The following SNX18 variants were observed in gnomAD, a reference collection of about 807,000 sequenced individuals.
The protein encoded by SNX18 is sorting nexin-18.
Under a neutral mutation model 48.7 loss-of-function variants are expected in SNX18, and 35 were observed. The ratio of observed to expected loss-of-function variants is 0.72; its 90% CI spans 0.55 to 0.95. The LOEUF (loss-of-function observed/expected upper bound fraction) is 0.95. Ranked by LOEUF, SNX18 falls within the 40% of genes least tolerant of loss-of-function variation. The probability of loss-of-function intolerance (pLI) is 0.00; values close to 1 mark genes in which losing one functional copy is unlikely to be tolerated. For missense variants in SNX18, 824 were observed against 871.0 expected, an observed-to-expected ratio of 0.95 and a Z score of 0.68; for synonymous variants, 492 against 384.7, an observed-to-expected ratio of 1.28 and a Z score of -3.26.
At chr5:54,551,425 T>G (rs578058372), downstream of SNX18, among the ~76,000 whole-genome samples, 1 of 152,218 alleles carries the variant, frequency 6.6e-6, no homozygotes, top group East Asian at 1.9e-4. Context: ...CTAATCCCAG[T>G]GTCTTGTCCC....
chr5:54,569,674 A>T, the SNX18 span, among the ~76,000 whole-genome samples: 1 of 152,196 alleles, frequency 6.6e-6, no homozygotes, highest in Non-Finnish European at 1.5e-5. Context: ...TAATATCTCC[A>T]TGTGGCTTGG....
At chr5:54,636,110 C>A in the SNX18 span, among the ~76,000 whole-genome samples, 1 of 152,200 alleles carries the variant, frequency 6.6e-6, no homozygotes, top group East Asian at 1.9e-4. Flanking sequence ...TCCTCTGGGC[C>A]CACTCACGTC....
the SNX18 span, among the ~76,000 whole-genome samples, chr5:54,565,739 G>C: frequency 6.6e-6 from 1 of 152,192 alleles, no homozygotes; most frequent in Non-Finnish European, 1.5e-5. Flanking sequence ...GTAGGGACTT[G>C]AATTTGTCAG....
the SNX18 span, among the ~76,000 whole-genome samples, chr5:54,566,334 G>A: frequency 1.3e-5 from 2 of 152,168 alleles, no homozygotes; most frequent in Non-Finnish European, 2.9e-5. Context: ...CAACAAGAAA[G>A]GTAGGTTATT....
chr5:54,520,147 G>C (rs1436082234), intron 1 of SNX18: 2 of 291,906 alleles, frequency 6.9e-6, no homozygotes, highest in Non-Finnish European at 1.4e-5. Context: ...CAGGAAAAGC[G>C]TACTCATTTT....
At chr5:54,583,925 T>C in the SNX18 span, among the ~76,000 whole-genome samples, 1 of 152,132 alleles carries the variant, frequency 6.6e-6, no homozygotes, top group Admixed American at 6.6e-5. Context: ...TGCCAGAGCC[T>C]GATGGTGCTG....
chr5:54,572,088 T>C, the SNX18 span, among the ~76,000 whole-genome samples: 1 of 152,190 alleles, frequency 6.6e-6, no homozygotes, highest in Non-Finnish European at 1.5e-5. Context: ...AGATGATTGA[T>C]TTACTCATGG....
chr5:54,520,090 T>G (rs71592647), intron 1 of SNX18: 57,507 of 397,794 alleles, frequency 0.14, 4,627 homozygotes, highest in Middle Eastern at 0.24. Context: ...TTTAAGAAAT[T>G]CCTGCAAAGA....
At chr5:54,571,585 A>T in the SNX18 span, among the ~76,000 whole-genome samples, 2 of 152,076 alleles carry the variant, frequency 1.3e-5, no homozygotes. Flanking sequence ...GATTGGAATG[A>T]CTTGAGATCT....
the SNX18 span, among the ~76,000 whole-genome samples, chr5:54,595,266 C>T: frequency 6.6e-6 from 1 of 152,124 alleles, no homozygotes; most frequent in Non-Finnish European, 1.5e-5. Flanking sequence ...GATGGAGTCT[C>T]GCTCTGTCAC....
intron 1 of SNX18, among the ~76,000 whole-genome samples, chr5:54,528,156 A>G (rs1237581852): frequency 6.6e-6 from 1 of 152,078 alleles, no homozygotes; most frequent in East Asian, 1.9e-4. Flanking sequence ...ACACACACAC[A>G]CACACACACA....
At chr5:54,596,813 G>A in the SNX18 span, among the ~76,000 whole-genome samples, 52 of 152,318 alleles carry the variant, frequency 3.4e-4, no homozygotes, top group African/African-American at 1.2e-3. Flanking sequence ...AGGAATGGAT[G>A]TGCCCCTTTC....
the SNX18 span, among the ~76,000 whole-genome samples, chr5:54,621,621 G>A: frequency 6.6e-6 from 1 of 152,264 alleles, no homozygotes; most frequent in African/African-American, 2.4e-5. Context: ...CCTTTAGAAA[G>A]ATATCAAGCA....
At chr5:54,604,108 T>A in the SNX18 span, among the ~76,000 whole-genome samples, 1 of 152,186 alleles carries the variant, frequency 6.6e-6, no homozygotes, top group Non-Finnish European at 1.5e-5. Flanking sequence ...GAAGGTTTCA[T>A]CCTAGTAGAG....
At chr5:54,572,933 A>C in the SNX18 span, among the ~76,000 whole-genome samples, 122,252 of 149,928 alleles carry the variant, frequency 0.82, 50,012 homozygotes, top group Middle Eastern at 0.84. Flanking sequence ...GCGTTTGAAC[A>C]ACAGCGACTC....
the SNX18 span, among the ~76,000 whole-genome samples, chr5:54,576,448 G>A: frequency 6.6e-6 from 1 of 152,152 alleles, no homozygotes; most frequent in Non-Finnish European, 1.5e-5. Context: ...GAAGCACCTG[G>A]GGAGTTTTAT....
rs752584405 is a variant in SNX18 at position 54,519,295 on chromosome 5, C to T, written c.1343C>T (p.Thr448Met). Residue 448 changes from threonine (T) to methionine (M), a missense_variant, in exon 1 of 2, where the codon ACG becomes ATG. Physicochemically the swap from Thr to Met is moderately conservative, Grantham distance 81. Transcript: ENST00000381410. Reference sequence around the variant, plus strand: ...GACAGCGCGCTGCAGCTCAACCACACGGCCAACGAGTTCGCGCGCAAGCAG... The same window carrying T: ...GACAGCGCGCTGCAGCTCAACCACATGGCCAACGAGTTCGCGCGCAAGCAG... ...MDDSALQLNH[T>M]ANEFARKQVT... is the part of the protein sequence containing the mutation. 1 of 1,614,074 alleles carries T rather than the reference C, an allele frequency of 6.2e-7. No individual in the cohort carries two copies. Among genetic ancestry groups the T allele is most frequent in the East Asian group, 2.2e-5 (1 of 44,850 alleles).
chr5:54,571,320 T>C, the SNX18 span, among the ~76,000 whole-genome samples: 1 of 152,094 alleles, frequency 6.6e-6, no homozygotes, highest in South Asian at 2.1e-4. Context: ...CTTCCAGGCT[T>C]GTTGGGTTTT....
At chr5:54,613,794 G>T in the SNX18 span, among the ~76,000 whole-genome samples, 1 of 152,120 alleles carries the variant, frequency 6.6e-6, no homozygotes, top group Non-Finnish European at 1.5e-5. Flanking sequence ...CGCCTCCTGG[G>T]TTCAAGTGAT....
Sources: gnomAD v4.1 joint callset for allele counts (sites outside exome capture counted in the v4.1 genomes callset) on GRCh38, gnomAD v4.1.1 for gene constraint, MANE v1.5 for transcripts, NCBI Gene and HGNC (gene_info 2026-07-23, HGNC 2026-07-21) for gene names.